MRPS27: variants seen among roughly 807,000 people sequenced by gnomAD.
MRPS27 encodes mitochondrial ribosomal protein S27, also known as small ribosomal subunit protein mS27.
A neutral mutation model predicts 48.9 loss-of-function variants in MRPS27; 43 were observed. The ratio of observed to expected loss-of-function variants is 0.88; its 90% CI spans 0.69 to 1.13. The LOEUF is 1.13. Among genes scored for constraint, MRPS27 ranks in the 50% most tolerant of loss-of-function variants. The pLI is 0.00. For synonymous variants in MRPS27, 188 were observed against 171.9 expected (o/e 1.09, Z -0.73); for missense variants, 467 against 476.3 (o/e 0.98, Z 0.18).
intron 4 of MRPS27, among the ~76,000 whole-genome samples, chr5:72,246,606 G>A (rs1748518580): frequency 1.3e-5 from 2 of 152,182 alleles, no homozygotes; most frequent in African/African-American, 4.8e-5. Context: ...CTGGGGATAA[G>A]GGAGAGACAA....
chr5:72,290,630 T>C (rs540954221), intron 4 of MRPS27, among the ~76,000 whole-genome samples: 33 of 152,338 alleles, frequency 2.2e-4, no homozygotes, highest in African/African-American at 7.0e-4. Flanking sequence ...GCAAATCTAA[T>C]TCTTAGGAAT....
intron 3 of MRPS27, 23 bp downstream of exon 3, chr5:72,297,608 AT>A: frequency 6.8e-7 from 1 of 1,470,562 alleles, no homozygotes; most frequent in African/African-American, 1.4e-5. Flanking sequence ...TTCTTGGAAA[AT>A]ATATATGTTA....
chr5:72,250,826 C>T (rs181868042), intron 4 of MRPS27, among the ~76,000 whole-genome samples: 84 of 152,130 alleles, frequency 5.5e-4, no homozygotes, highest in African/African-American at 1.7e-3. Flanking sequence ...AGTGCAGTGG[C>T]GAGATCACAG....
intron 4 of MRPS27, among the ~76,000 whole-genome samples, chr5:72,268,388 T>C (rs1378748680): frequency 2.6e-5 from 4 of 152,186 alleles, no homozygotes; most frequent in Non-Finnish European, 4.4e-5. Flanking sequence ...GCTACACAAA[T>C]GTTTCTGAAT....
At chr5:72,314,044 C>T (rs917587190) in intron 2 of MRPS27, 37 bp downstream of exon 2, 4 of 1,498,756 alleles carry the variant, frequency 2.7e-6, no homozygotes, top group Non-Finnish European at 2.8e-6. Flanking sequence ...ACAGAGTGAC[C>T]GAAAATGACA....
chr5:72,242,871 C>T (rs950447832), intron 4 of MRPS27, among the ~76,000 whole-genome samples: 93 of 152,364 alleles, frequency 6.1e-4, no homozygotes, highest in African/African-American at 2.2e-3. Flanking sequence ...ATGCTCCAGG[C>T]TGGGCAGGCC....
At chr5:72,248,669 TAAAAAAAAAAAA>T (rs36063387) in intron 4 of MRPS27, among the ~76,000 whole-genome samples, 2 of 70,294 alleles carry the variant, frequency 2.8e-5, no homozygotes, top group African/African-American at 6.6e-5. Flanking sequence ...CATTTTCATT[TAAAAAAAAAAAA>T]AAAAAAAAAA....
intron 2 of MRPS27, among the ~76,000 whole-genome samples, chr5:72,307,470 G>A (rs953329521): frequency 3.3e-5 from 5 of 152,194 alleles, no homozygotes; most frequent in African/African-American, 1.2e-4. Flanking sequence ...AAGCACCCTT[G>A]TCTTTTGGAG....
chr5:72,255,195 C>A (rs1235778037), intron 4 of MRPS27, among the ~76,000 whole-genome samples: 1 of 151,112 alleles, frequency 6.6e-6, no homozygotes, highest in African/African-American at 2.4e-5. Context: ...GGATTACGGG[C>A]ATGTGCCACC....
rs1430580633 is a variant in MRPS27 at position 72,226,351 on chromosome 5, C to T, written c.695-152G>A. 3.6e-5 allele frequency: 29 copies of T among 795,938 alleles called. No individual in the cohort carries two copies. In the East Asian group the frequency reaches 5.3e-4, roughly 15 times the overall value. 49.3% of individuals were successfully genotyped at this position (795,938 alleles called of 1,614,324 possible). On this transcript the variant is annotated intron_variant, in intron 8 of 10. Coordinates refer to ENST00000261413, the MANE Select transcript of MRPS27 (RefSeq NM_015084.3). The stretch of plus-strand genomic sequence containing the variant: ...TCTGTACCAACAGACTCATCTCATT[C>T]GGTGACACTTCAGATGGATAATGAC...
intron 4 of MRPS27, chr5:72,241,690 T>G: frequency 6.5e-7 from 1 of 1,535,512 alleles, no homozygotes; most frequent in Non-Finnish European, 8.7e-7. Flanking sequence ...TCTCCCTTTC[T>G]GTCAGAAGAA....
intron 4 of MRPS27, among the ~76,000 whole-genome samples, chr5:72,246,188 T>A (rs1358798690): frequency 1.3e-5 from 2 of 152,224 alleles, no homozygotes; most frequent in East Asian, 3.9e-4. Flanking sequence ...TCATGCATGC[T>A]GAAATTCATG....
At chr5:72,288,116 T>C (rs1292668851) in intron 4 of MRPS27, among the ~76,000 whole-genome samples, 4 of 152,134 alleles carry the variant, frequency 2.6e-5, no homozygotes, top group African/African-American at 9.7e-5. Flanking sequence ...AAAAAATACC[T>C]TGAAGGTTCA....
At chr5:72,276,580 T>C (rs1415635493) in intron 4 of MRPS27, among the ~76,000 whole-genome samples, 2 of 152,026 alleles carry the variant, frequency 1.3e-5, no homozygotes, top group African/African-American at 4.8e-5. Flanking sequence ...CTAATTAAAC[T>C]GAAGAGCTTC....
At chr5:72,231,096 C>G (rs1490516444) in intron 7 of MRPS27, among the ~76,000 whole-genome samples, 1 of 152,100 alleles carries the variant, frequency 6.6e-6, no homozygotes, top group Non-Finnish European at 1.5e-5. Flanking sequence ...CTGCTTCTAA[C>G]TTTTCAAGGG....
chr5:72,241,151 C>T (rs1580062388), intron 4 of MRPS27, among the ~76,000 whole-genome samples: 1 of 152,158 alleles, frequency 6.6e-6, no homozygotes, highest in South Asian at 2.1e-4. Context: ...GATCCTCCTG[C>T]CTTTGCCTCC....
intron 4 of MRPS27, among the ~76,000 whole-genome samples, chr5:72,252,051 GAAC>G (rs1312779783): frequency 6.6e-6 from 1 of 151,922 alleles, no homozygotes; most frequent in African/African-American, 2.4e-5. Flanking sequence ...GAATATCTAT[GAAC>G]AACAAATATA....
intron 7 of MRPS27, among the ~76,000 whole-genome samples, chr5:72,231,797 T>A (rs1397241988): frequency 6.6e-6 from 1 of 152,110 alleles, no homozygotes; most frequent in East Asian, 1.9e-4. Context: ...CCAGGTGGCT[T>A]CGTTACCTAC....
At chr5:72,263,079 C>T (rs1749024857) in intron 4 of MRPS27, among the ~76,000 whole-genome samples, 1 of 152,164 alleles carries the variant, frequency 6.6e-6, no homozygotes. Context: ...GGTCACAAGG[C>T]ACCAGTTTTC....
Sources: allele counts gnomAD v4.1 joint callset (sites outside exome capture counted in the v4.1 genomes callset), GRCh38; gene constraint gnomAD v4.1.1; transcripts MANE v1.5; gene names NCBI Gene and HGNC (gene_info 2026-07-23, HGNC 2026-07-21).